Variants in GRAMD1B observed in about 807,000 individuals in gnomAD.
GRAMD1B encodes the protein GRAM domain containing 1B.
A neutral mutation model predicts 99.7 loss-of-function variants in GRAMD1B; 37 were observed. The ratio of observed to expected loss-of-function variants is 0.37; its 90% CI spans 0.29 to 0.49. GRAMD1B has a LOEUF of 0.49. Ranked by LOEUF, GRAMD1B falls within the 20% of genes least tolerant of loss-of-function variation. The pLI, the probability that GRAMD1B is intolerant of heterozygous loss-of-function variation, is 0.98. For synonymous variants in GRAMD1B, 427 were observed against 387.6 expected (o/e 1.10, Z -1.19); for missense variants, 888 against 1,009.2 (o/e 0.88, Z 1.63).
intron 2 of GRAMD1B, among the ~76,000 whole-genome samples, chr11:123,511,579 C>G (rs1321103566): frequency 6.6e-6 from 1 of 152,136 alleles, no homozygotes; most frequent in Non-Finnish European, 1.5e-5. Flanking sequence ...AACCCCAGCT[C>G]CAGTGTGCAG....
At chr11:123,535,845 G>A (rs979195868) in intron 2 of GRAMD1B, among the ~76,000 whole-genome samples, 2 of 151,996 alleles carry the variant, frequency 1.3e-5, no homozygotes, top group Non-Finnish European at 1.5e-5. Flanking sequence ...AGGCTGGGAG[G>A]ACAAGCCCCA....
intron 4 of GRAMD1B, among the ~76,000 whole-genome samples, chr11:123,586,102 C>G (rs1434377415): frequency 6.6e-6 from 1 of 152,168 alleles, no homozygotes; most frequent in Non-Finnish European, 1.5e-5. Flanking sequence ...TTTCCTTCTC[C>G]CTTAGCCTCC....
At chr11:123,455,407 A>G (rs1311082911) in intron 1 of GRAMD1B, among the ~76,000 whole-genome samples, 1 of 152,184 alleles carries the variant, frequency 6.6e-6, no homozygotes, top group Non-Finnish European at 1.5e-5. Context: ...GATTACAGGC[A>G]TGAGCCACCG....
intron 2 of GRAMD1B, among the ~76,000 whole-genome samples, chr11:123,529,607 G>A (rs1177778221): frequency 2.6e-5 from 4 of 152,164 alleles, no homozygotes; most frequent in Admixed American, 2.0e-4. Flanking sequence ...CAAACAGATG[G>A]GACTGCGGCC....
intron 1 of GRAMD1B, among the ~76,000 whole-genome samples, chr11:123,402,993 G>A (rs1947722668): frequency 6.7e-6 from 1 of 149,904 alleles, no homozygotes; most frequent in Non-Finnish European, 1.5e-5. Flanking sequence ...CCATCTTACT[G>A]TAAAATAAAA....
chr11:123,498,706 A>G (rs1022348056), intron 2 of GRAMD1B, among the ~76,000 whole-genome samples: 4 of 152,158 alleles, frequency 2.6e-5, no homozygotes, highest in Non-Finnish European at 1.5e-5. Flanking sequence ...CTGGTTAGAC[A>G]TGGTTCTGAA....
chr11:123,469,776 TTTCCTTCCTTCCTTCC>T (rs369545252), intron 1 of GRAMD1B, among the ~76,000 whole-genome samples: 6 of 129,944 alleles, frequency 4.6e-5, no homozygotes, highest in Middle Eastern at 3.4e-3. Context: ...TTTCTCTTTC[TTTCCTTCCTTCCTTCC>T]TTCCTTCCTT....
intron 2 of GRAMD1B, among the ~76,000 whole-genome samples, chr11:123,562,981 T>C (rs1946941368): frequency 6.6e-6 from 1 of 152,232 alleles, no homozygotes; most frequent in Non-Finnish European, 1.5e-5. Flanking sequence ...TCAGGCCACT[T>C]CTCTGCAGTA....
intron 2 of GRAMD1B, among the ~76,000 whole-genome samples, chr11:123,554,111 T>C (rs1490028612): frequency 6.6e-6 from 1 of 152,242 alleles, no homozygotes; most frequent in Non-Finnish European, 1.5e-5. Flanking sequence ...TTACTCTGTA[T>C]GTGATCTGGG....
chr11:123,618,666 G>A, intron 17 of GRAMD1B, 27 bp from the exon 18 acceptor site: 3 of 1,295,714 alleles, frequency 2.3e-6, no homozygotes, highest in Non-Finnish European at 3.3e-6. Context: ...CACTGCTGAT[G>A]TTTTTTTCCC....
At chr11:123,446,322 C>T (rs184239332) in intron 1 of GRAMD1B, among the ~76,000 whole-genome samples, 205 of 152,230 alleles carry the variant, frequency 1.3e-3, no homozygotes, top group African/African-American at 4.3e-3. Context: ...TGTGCCACCA[C>T]GCCCGGCTAA....
chr11:123,577,721 T>G (rs1225469765), intron 3 of GRAMD1B, 144 bp downstream of exon 3: 1 of 657,082 alleles, frequency 1.5e-6, no homozygotes, highest in Non-Finnish European at 2.7e-6. Context: ...TCCAGTGAGG[T>G]GAGGCGGGGC....
intron 17 of GRAMD1B, among the ~76,000 whole-genome samples, chr11:123,615,761 G>T (rs1954288370): frequency 6.6e-6 from 1 of 152,206 alleles, no homozygotes; most frequent in Non-Finnish European, 1.5e-5. Flanking sequence ...TGTGGTCCTG[G>T]AGCTCAGATG....
At chr11:123,486,168 T>TG (rs1232104565) in intron 2 of GRAMD1B, among the ~76,000 whole-genome samples, 3 of 152,352 alleles carry the variant, frequency 2.0e-5, no homozygotes, top group African/African-American at 7.2e-5. Context: ...GCTTAATAAA[T>TG]GGTAGCTGCT....
intron 1 of GRAMD1B, among the ~76,000 whole-genome samples, chr11:123,374,734 T>C (rs1591374952): frequency 6.6e-6 from 1 of 152,204 alleles, no homozygotes; most frequent in Admixed American, 6.5e-5. Context: ...CTGGGCTGAG[T>C]GCTTGGGTCA....
At chr11:123,543,854 CTTG>C (rs1944786297) in intron 2 of GRAMD1B, among the ~76,000 whole-genome samples, 1 of 152,212 alleles carries the variant, frequency 6.6e-6, no homozygotes, top group Non-Finnish European at 1.5e-5. Flanking sequence ...CTTTCATTTA[CTTG>C]TTGTCTGTGA....
At chr11:123,500,215 G>A (rs1378950684) in intron 2 of GRAMD1B, among the ~76,000 whole-genome samples, 2 of 152,172 alleles carry the variant, frequency 1.3e-5, no homozygotes, top group East Asian at 1.9e-4. Context: ...CAGCTACTTG[G>A]GAGGCTGAGG....
intron 1 of GRAMD1B, among the ~76,000 whole-genome samples, chr11:123,373,525 G>T (rs1240154553): frequency 1.3e-5 from 2 of 152,174 alleles, no homozygotes; most frequent in African/African-American, 4.8e-5. Flanking sequence ...TATTGATGCA[G>T]AAACAGGGAC....
Position 123,424,364 on chromosome 11 carries a change from G to A in GRAMD1B, c.-175-56452G>A, listed in dbSNP as rs117205477. ...ATTCAACACTAGGCTAGGTGTGGTG[G>A]CTCGCACCTGTAATCCCAGCACTTT... On this transcript the variant is annotated intron_variant, in intron 1 of 20. Transcript: ENST00000638157. Among the ~76,000 whole-genome samples, 5 of 152,216 alleles carry A rather than the reference G, an allele frequency of 3.3e-5. No individual in the cohort carries two copies. The East Asian group carries it at 9.6e-4, about 29-fold the overall frequency.
Sources: allele counts gnomAD v4.1 joint callset (sites outside exome capture counted in the v4.1 genomes callset), GRCh38; gene constraint gnomAD v4.1.1; transcripts MANE v1.5; gene names NCBI Gene and HGNC (gene_info 2026-07-23, HGNC 2026-07-21).